The following WDR49 variants were observed in gnomAD, a reference collection of about 807,000 sequenced individuals.
WDR49 encodes the protein cilia- and flagella-associated protein 337.
WDR49 carries 107 observed loss-of-function variants against 119.5 expected under a neutral mutation model. That is an observed-to-expected ratio of 0.90 (90% CI 0.77 to 1.05). The LOEUF is 1.05. Ranked by LOEUF, WDR49 falls within the 50% of genes least tolerant of loss-of-function variation. WDR49 has a pLI of 0.00. For missense variants in WDR49, 1,240 were observed against 1,220.5 expected (o/e 1.02, Z -0.24); for synonymous variants, 425 against 418.8 (o/e 1.01, Z -0.18).
chr3:167,622,020 T>C (rs1423383999), intron 3 of WDR49, among the ~76,000 whole-genome samples: 1 of 152,142 alleles, frequency 6.6e-6, no homozygotes, highest in Non-Finnish European at 1.5e-5. Context: ...GTAGAGACTT[T>C]CATGGAAATC....
intron 2 of WDR49, among the ~76,000 whole-genome samples, chr3:167,648,273 T>TAGA (rs1718219183): frequency 6.6e-6 from 1 of 152,220 alleles, no homozygotes; most frequent in African/African-American, 2.4e-5. Flanking sequence ...TTGAAAGGTA[T>TAGA]TCAATTTTTA....
At chr3:167,587,317 C>A (rs1488241027) in intron 7 of WDR49, among the ~76,000 whole-genome samples, 1 of 152,118 alleles carries the variant, frequency 6.6e-6, no homozygotes, top group African/African-American at 2.4e-5. Context: ...CCAGCTAAAT[C>A]TAACTAGGGC....
intron 2 of WDR49, among the ~76,000 whole-genome samples, chr3:167,652,108 G>A (rs778985009): frequency 3.3e-5 from 5 of 152,194 alleles, no homozygotes; most frequent in Non-Finnish European, 7.4e-5. Context: ...CAGCAGCAGT[G>A]AAATCTTTCA....
chr3:167,517,881 A>C (rs1577212037), intron 16 of WDR49, among the ~76,000 whole-genome samples: 3 of 145,864 alleles, frequency 2.1e-5, no homozygotes, highest in African/African-American at 5.1e-5. Context: ...CTATCCCTCC[A>C]CCCTCCCCCA....
chr3:167,585,766 T>A (rs963398829), intron 7 of WDR49, among the ~76,000 whole-genome samples: 1 of 151,980 alleles, frequency 6.6e-6, no homozygotes, highest in Non-Finnish European at 1.5e-5. Flanking sequence ...AATACATTAT[T>A]ATGTATAACA....
chr3:167,653,169 T>G, intron 2 of WDR49, 92 bp downstream of exon 2: 1 of 1,406,948 alleles, frequency 7.1e-7, no homozygotes. Flanking sequence ...TAAGTGTATT[T>G]TTTTAATGCT....
At chr3:167,548,893 C>A (rs112458597) in intron 10 of WDR49, among the ~76,000 whole-genome samples, 1 of 152,066 alleles carries the variant, frequency 6.6e-6, no homozygotes, top group Admixed American at 6.6e-5. Flanking sequence ...CACCCTGTGT[C>A]CAAGTGTTCT....
intron 8 of WDR49, among the ~76,000 whole-genome samples, chr3:167,563,178 C>A (rs1053826500): frequency 6.6e-6 from 1 of 151,882 alleles, no homozygotes; most frequent in African/African-American, 2.4e-5. Flanking sequence ...CACGGTGAAA[C>A]CCCGTCTCTA....
chr3:167,488,515 C>G (rs1751009127), intron 18 of WDR49, among the ~76,000 whole-genome samples: 1 of 151,928 alleles, frequency 6.6e-6, no homozygotes, highest in African/African-American at 2.4e-5. Context: ...AAAATAAAAG[C>G]TGAAATTTTT....
At chr3:167,503,016 C>G (rs1577201972) in intron 17 of WDR49, among the ~76,000 whole-genome samples, 1 of 152,190 alleles carries the variant, frequency 6.6e-6, no homozygotes, top group Non-Finnish European at 1.5e-5. Context: ...TGAAGGCCTT[C>G]TAGACAGCCC....
At chr3:167,514,998 A>G (rs1752145952) in intron 16 of WDR49, among the ~76,000 whole-genome samples, 1 of 152,180 alleles carries the variant, frequency 6.6e-6, no homozygotes, top group South Asian at 2.1e-4. Flanking sequence ...TAAATAGCCT[A>G]CAAACCAAAA....
intron 17 of WDR49, among the ~76,000 whole-genome samples, chr3:167,503,863 A>G (rs1450718644): frequency 1.3e-5 from 2 of 152,208 alleles, no homozygotes; most frequent in Non-Finnish European, 2.9e-5. Flanking sequence ...GCCGGCTCGA[A>G]TGCCTGGGTT....
intron 6 of WDR49, among the ~76,000 whole-genome samples, chr3:167,603,351 T>G (rs955112445): frequency 3.3e-5 from 5 of 152,160 alleles, no homozygotes; most frequent in African/African-American, 1.2e-4. Flanking sequence ...TAGTTTCTAT[T>G]TGAGTCCTTG....
At chr3:167,651,928 T>C (rs1157661565) in intron 2 of WDR49, among the ~76,000 whole-genome samples, 1 of 152,174 alleles carries the variant, frequency 6.6e-6, no homozygotes, top group Non-Finnish European at 1.5e-5. Flanking sequence ...GCCCTAGCAT[T>C]CAAATTCTTT....
intron 10 of WDR49, among the ~76,000 whole-genome samples, chr3:167,547,842 G>T (rs1292252747): frequency 1.3e-5 from 2 of 151,852 alleles, no homozygotes; most frequent in East Asian, 1.9e-4. Flanking sequence ...AGATGTCAAT[G>T]AAATAAAACA....
At chr3:167,656,258 T>C (rs1292351696), upstream of WDR49, among the ~76,000 whole-genome samples, 3 of 152,238 alleles carry the variant, frequency 2.0e-5, no homozygotes, top group Non-Finnish European at 2.9e-5. Context: ...ATACTACAAG[T>C]TCCCCTAAGT....
chr3:167,529,067 T>C lies in WDR49; in HGVS notation c.2391A>G (p.Lys797=), dbSNP rs374932186. Residue 797 remains lysine (K), a synonymous_variant, in exon 14 of 19, where the codon AAA becomes AAG. Transcript: ENST00000682715. ...TTCAATTTACCTCTATATTCCAGAT[T>C]TTCAACCATCCATCAAGATCTCCTG... is the stretch of plus-strand genomic sequence containing the variant. The part of the protein sequence containing the change: ...LTTGDLDGWL[K]IWNIEEYCLN... 1.1e-5 allele frequency: 17 copies of C among 1,580,994 alleles called. No homozygotes were observed. The highest frequency in any genetic ancestry group is 1.5e-5 in the Non-Finnish European group (17 of 1,168,894).
chr3:167,531,352 G>C, intron 12 of WDR49, 73 bp from the exon 13 acceptor site: 1 of 1,515,650 alleles, frequency 6.6e-7, no homozygotes, highest in Non-Finnish European at 9.0e-7. Flanking sequence ...CTATGAAATA[G>C]CAGGCCCACA....
intron 7 of WDR49, among the ~76,000 whole-genome samples, chr3:167,601,507 A>G (rs1702605092): frequency 6.6e-6 from 1 of 152,180 alleles, no homozygotes; most frequent in African/African-American, 2.4e-5. Flanking sequence ...CCAAGGAACA[A>G]AAGTCAAGAC....
Sources: gnomAD v4.1 joint callset for allele counts (sites outside exome capture counted in the v4.1 genomes callset) on GRCh38, gnomAD v4.1.1 for gene constraint, MANE v1.5 for transcripts, NCBI Gene and HGNC (gene_info 2026-07-23, HGNC 2026-07-21) for gene names.